The following SHROOM3 variants were observed in gnomAD, a reference collection of about 807,000 sequenced individuals.
SHROOM3 encodes protein Shroom3.
A neutral mutation model predicts 138.6 loss-of-function variants in SHROOM3; 47 were observed. The ratio of observed to expected loss-of-function variants is 0.34; its 90% CI spans 0.27 to 0.43. The LOEUF is 0.43. SHROOM3 is among the 20% of genes least tolerant of loss of function. The pLI is 1.00. For missense variants in SHROOM3, 2,491 were observed against 2,596.5 expected, an observed-to-expected ratio of 0.96 and a Z score of 0.88; for synonymous variants, 1,062 against 1,063.3, an observed-to-expected ratio of 1.00 and a Z score of 0.02.
chr4:76,659,114 T>G (rs1736129571), intron 2 of SHROOM3, among the ~76,000 whole-genome samples: 1 of 151,982 alleles, frequency 6.6e-6, no homozygotes, highest in Non-Finnish European at 1.5e-5. Flanking sequence ...CATGAAAAGC[T>G]TGGTTCTGGT....
chr4:76,718,411 C>T (rs1298206557), intron 3 of SHROOM3, among the ~76,000 whole-genome samples: 2 of 152,186 alleles, frequency 1.3e-5, no homozygotes, highest in African/African-American at 4.8e-5. Context: ...TTCAGCTGCT[C>T]TGCCTTAAAA....
rs537131531 is a variant in SHROOM3, at chr4:76,688,930, A to C, written c.324-21226A>C. On this transcript the variant is annotated intron_variant, in intron 2 of 10. Coordinates refer to ENST00000296043, the MANE Select transcript of SHROOM3 (RefSeq NM_020859.4). ...ACACTGAGAAGAGGGCATGCTGAGA[A>C]AAAGGATGGTTATTTTCCTTGTAAT... 4.6e-5 allele frequency: 45 copies of C among 984,972 alleles called. No homozygotes were observed. The African/African-American group carries it at 7.7e-4, about 17-fold the overall frequency. The allele number at this position is 984,972 out of a possible 1,614,324, so 61.0% of individuals were successfully genotyped here. A position where few individuals can be genotyped will look rare whatever the true frequency, so the allele number is the denominator to read the frequency against.
chr4:76,759,161 A>G (rs1487055327), intron 8 of SHROOM3, among the ~76,000 whole-genome samples: 1 of 152,256 alleles, frequency 6.6e-6, no homozygotes, highest in Non-Finnish European at 1.5e-5. Context: ...AGGTTTGTGC[A>G]GCACCTTGAA....
chr4:76,450,895 C>T (rs1454195787), intron 1 of SHROOM3, among the ~76,000 whole-genome samples: 2 of 151,674 alleles, frequency 1.3e-5, no homozygotes, highest in African/African-American at 4.8e-5. Context: ...CAAAAAAAGA[C>T]AGAAATTATA....
chr4:76,598,202 A>G (rs2110053245), intron 2 of SHROOM3, among the ~76,000 whole-genome samples: 1 of 151,676 alleles, frequency 6.6e-6, no homozygotes, highest in Admixed American at 6.6e-5. Context: ...AATTTTTTGT[A>G]TTTTTAGTAG....
intron 1 of SHROOM3, among the ~76,000 whole-genome samples, chr4:76,523,550 A>C (rs577642846): frequency 6.6e-6 from 1 of 152,338 alleles, no homozygotes; most frequent in South Asian, 2.1e-4. Flanking sequence ...AAAGTTTGAA[A>C]TATTTCCAAA....
Position 76,770,722 on chromosome 4 carries a change from G to A in SHROOM3, c.5446G>A (p.Glu1816Lys). The A allele has an allele frequency of 1.2e-6, 2 of 1,614,232 alleles. No homozygotes were observed. The highest frequency in any genetic ancestry group is 8.5e-7 in the Non-Finnish European group (1 of 1,180,044). The change falls in exon 10 of 11, where the codon GAA becomes AAA. Residue 1816 changes from glutamate to lysine, a missense_variant. Physicochemically the swap from Glu to Lys is moderately conservative, Grantham distance 56. Transcript: ENST00000296043. ...TDIKLNNALG[E>K]EVEALISELC... The stretch of plus-strand genomic sequence containing the variant: ...CATCAAGCTCAACAACGCCCTGGGA[G>A]AAGAGGTGGAGGCTCTGATCAGCGA...
intron 2 of SHROOM3, among the ~76,000 whole-genome samples, chr4:76,579,194 C>G (rs111680042): frequency 8.6e-5 from 13 of 151,994 alleles, no homozygotes; most frequent in African/African-American, 2.4e-4. Context: ...ACAGGCTGGG[C>G]GTGGTGGCTC....
In SHROOM3 at chr4:76,741,191, T is replaced by C. The variant is rs1721242301; in HGVS notation, c.3018T>C (p.Gly1006=). 1 of 1,595,792 alleles carries C rather than the reference T, an allele frequency of 6.3e-7. No homozygotes were observed. The highest frequency in any genetic ancestry group is 8.5e-7 in the Non-Finnish European group (1 of 1,172,356). The change falls in exon 5 of 11, where the codon GGT becomes GGC. Residue 1006 remains glycine, a synonymous_variant. Transcript: ENST00000296043. This position sits in a 1 kb window ranked among gnomAD's most constrained non-coding sequence, Gnocchi z 6.2. The part of the protein sequence containing the change: ...ARPVPPAARR[G]ARRRLTPEQK... ...CCGTGCCCCCTGCCGCCCGGAGAGG[T>C]GCTCGCCGGCGCCTGACTCCCGAGC...
chr4:76,441,086 G>GGTTTTTT (rs1730659977), intron 1 of SHROOM3, among the ~76,000 whole-genome samples: 1 of 82,182 alleles, frequency 1.2e-5, no homozygotes, highest in Admixed American at 2.0e-4. Context: ...AGTTCAATTT[G>GGTTTTTT]TTTTTTTTTT....
At chr4:76,542,185 C>G (rs1733119099) in intron 1 of SHROOM3, among the ~76,000 whole-genome samples, 1 of 152,186 alleles carries the variant, frequency 6.6e-6, no homozygotes, top group Non-Finnish European at 1.5e-5. Flanking sequence ...TGCCAATATC[C>G]TCACCATAGT....
chr4:76,727,033 A>T (rs763168308), intron 3 of SHROOM3, among the ~76,000 whole-genome samples: 8 of 152,140 alleles, frequency 5.3e-5, no homozygotes, highest in Non-Finnish European at 7.4e-5. Context: ...TGGCTTCTCA[A>T]GGCCAATACC....
At chr4:76,661,108 T>A (rs1021183521) in intron 2 of SHROOM3, among the ~76,000 whole-genome samples, 2 of 152,200 alleles carry the variant, frequency 1.3e-5, no homozygotes, top group Non-Finnish European at 2.9e-5. Flanking sequence ...AATTTGTTTT[T>A]AAAGATATTT....
intron 2 of SHROOM3, among the ~76,000 whole-genome samples, chr4:76,621,657 G>A (rs1467370295): frequency 6.6e-6 from 1 of 152,132 alleles, no homozygotes; most frequent in Admixed American, 6.5e-5. Context: ...AAACAAAACA[G>A]AAATTACAAA....
rs1023159874 is a variant in SHROOM3 at position 76,782,833 on chromosome 4, C to T, written c.*3656C>T. 1 of 152,166 alleles carries T rather than the reference C, an allele frequency of 6.6e-6. No homozygotes were observed. Among genetic ancestry groups the T allele is most frequent in the Non-Finnish European group, 1.5e-5 (1 of 68,022 alleles). The allele number at this position is 152,166 out of a possible 1,614,324, so 9.4% of individuals were successfully genotyped here. A position where few individuals can be genotyped will look rare whatever the true frequency, so the allele number is the denominator to read the frequency against. ...TCGGGAACAAAGTATTTCCTGCTGC[C>T]TTAACTCTTTGGGATGCATAGGATA... On this transcript the variant is annotated 3_prime_UTR_variant, in exon 11 of 11. Coordinates refer to ENST00000296043, the MANE Select transcript of SHROOM3 (RefSeq NM_020859.4).
At chr4:76,769,238 A>G (rs1722266772) in intron 9 of SHROOM3, among the ~76,000 whole-genome samples, 1 of 150,446 alleles carries the variant, frequency 6.6e-6, no homozygotes, top group South Asian at 2.1e-4. Flanking sequence ...ATGTGTCTAT[A>G]TGCGTGTGTG....
chr4:76,595,219 A>T (rs1374605834), intron 2 of SHROOM3, among the ~76,000 whole-genome samples: 1 of 152,232 alleles, frequency 6.6e-6, no homozygotes, highest in Non-Finnish European at 1.5e-5. Context: ...AGTAACCATT[A>T]ACTCTTATTA....
At chr4:76,517,793 C>T (rs1333873978) in intron 1 of SHROOM3, among the ~76,000 whole-genome samples, 2 of 152,024 alleles carry the variant, frequency 1.3e-5, no homozygotes, top group East Asian at 1.9e-4. Context: ...GACTCTGGGC[C>T]AGAATTTGTT....
intron 2 of SHROOM3, among the ~76,000 whole-genome samples, chr4:76,615,252 A>G (rs1031218655): frequency 2.6e-5 from 4 of 152,210 alleles, no homozygotes; most frequent in Admixed American, 1.3e-4. Context: ...GCCTTCAACC[A>G]AAAGCATAGT....
Sources: allele counts gnomAD v4.1 joint callset (sites outside exome capture counted in the v4.1 genomes callset), GRCh38; gene constraint gnomAD v4.1.1; non-coding constraint Gnocchi (gnomAD v3.1); transcripts MANE v1.5; gene names NCBI Gene and HGNC (gene_info 2026-07-23, HGNC 2026-07-21).